Variants in MIS18BP1 observed in about 807,000 individuals in gnomAD.
The protein encoded by MIS18BP1 is MIS18 binding protein 1.
A neutral mutation model predicts 116.1 loss-of-function variants in MIS18BP1; 72 were observed. That is an observed-to-expected ratio of 0.62 (90% confidence interval 0.51 to 0.75). MIS18BP1 has a LOEUF of 0.75. Among genes scored for constraint, MIS18BP1 ranks in the 30% least tolerant of loss-of-function variants. The pLI, the probability that MIS18BP1 is intolerant of heterozygous loss-of-function variation, is 0.00. For synonymous variants in MIS18BP1, 386 were observed against 427.0 expected, an observed-to-expected ratio of 0.90 and a Z score of 1.18; for missense variants, 1,363 against 1,303.2, an observed-to-expected ratio of 1.05 and a Z score of -0.71.
At chr14:45,242,898 A>G in intron 2 of MIS18BP1, 24 bp from the exon 3 acceptor site, 2 of 1,488,622 alleles carry the variant, frequency 1.3e-6, no homozygotes, top group South Asian at 2.4e-5. Flanking sequence ...TTTTAAAGAA[A>G]GAAGAAGTTG....
chr14:45,240,468 G>A (rs767319106), intron 4 of MIS18BP1, among the ~76,000 whole-genome samples: 12 of 151,244 alleles, frequency 7.9e-5, no homozygotes, highest in African/African-American at 1.5e-4. Context: ...CTACCTACAC[G>A]CACTCTCTAG....
intron 11 of MIS18BP1, among the ~76,000 whole-genome samples, chr14:45,219,665 ATAT>A: frequency 6.6e-6 from 1 of 152,328 alleles, no homozygotes; most frequent in Non-Finnish European, 1.5e-5. Flanking sequence ...TGACCACAGC[ATAT>A]TATTCCATGC....
intron 11 of MIS18BP1, among the ~76,000 whole-genome samples, chr14:45,223,370 A>G (rs1024411895): frequency 2.3e-4 from 35 of 152,180 alleles, no homozygotes; most frequent in African/African-American, 8.0e-4. Flanking sequence ...TTAGGTCAGG[A>G]GTTCAAGACC....
At position 45,226,737 on chromosome 14, in the gene MIS18BP1, T is replaced by C. The variant is rs1368669410; in HGVS notation, c.1840+6A>G. The C allele has an allele frequency of 7.3e-7, 1 of 1,378,880 alleles. No individual in the cohort carries two copies. The highest frequency in any genetic ancestry group is 9.6e-7 in the Non-Finnish European group (1 of 1,043,440). The allele number at this position is 1,378,880 out of a possible 1,614,324, so 85.4% of individuals were successfully genotyped here. ...TATGATTAAAAAACCATTAAAGATA[T>C]ATTACCTTGCTTCTGACTTTTTATT... On this transcript the variant is annotated splice_donor_region_variant and intron_variant, in intron 10 of 16. Transcript: ENST00000310806.
chr14:45,205,548 A>G (rs1165974656), intron 15 of MIS18BP1, among the ~76,000 whole-genome samples: 1 of 152,186 alleles, frequency 6.6e-6, no homozygotes, highest in Non-Finnish European at 1.5e-5. Flanking sequence ...TCTAAGGGAT[A>G]TAGATCATTC....
chr14:45,247,405 A>T (rs1891753050), intron 1 of MIS18BP1, 28 bp from the exon 2 acceptor site: 1 of 775,672 alleles, frequency 1.3e-6, no homozygotes, highest in South Asian at 2.2e-5. Context: ...ATCAGCCTTT[A>T]TCATGCTTTG....
chr14:45,236,035 T>C, intron 5 of MIS18BP1, 91 bp from the exon 6 acceptor site: 1 of 1,145,376 alleles, frequency 8.7e-7, no homozygotes, highest in Non-Finnish European at 1.2e-6. Context: ...ACAGCAACAC[T>C]AAGAATGTTA....
rs1359701436 is a variant in MIS18BP1 at position 45,218,339 on chromosome 14, T to C, written c.2785A>G (p.Lys929Glu). 4 of 1,614,114 alleles carry C rather than the reference T, an allele frequency of 2.5e-6. No individual in the cohort carries two copies. The highest frequency in any genetic ancestry group is 4.5e-5 in the East Asian group (2 of 44,866). ...QRKYMENPRG[K>E]GSQKHVTKKK... ...TTAGTGACATGTTTCTGGGATCCTT[T>C]TCCTCTGGGATTTTCCATGTATTTC... The change falls in exon 12 of 17, where the codon AAA (lysine) becomes GAA (glutamate). Residue 929 changes from lysine (K) to glutamate (E), a missense_variant. Lys to Glu is a moderately conservative substitution (Grantham distance 56). Transcript: ENST00000310806.
chr14:45,249,253 G>A (rs192573927), intron 1 of MIS18BP1, among the ~76,000 whole-genome samples: 14 of 152,060 alleles, frequency 9.2e-5, no homozygotes, highest in Admixed American at 2.6e-4. Context: ...CACCCCACCC[G>A]GCTAATTTTT....
At chr14:45,247,569 A>G (rs1414997069) in intron 1 of MIS18BP1, among the ~76,000 whole-genome samples, 192 bp from the exon 2 acceptor site, 2 of 151,994 alleles carry the variant, frequency 1.3e-5, no homozygotes, top group Non-Finnish European at 2.9e-5. Context: ...GTGATGGTGT[A>G]CACGCCTGTA....
intron 9 of MIS18BP1, 82 bp from the exon 10 acceptor site, chr14:45,226,918 A>T: frequency 9.0e-7 from 1 of 1,116,460 alleles, no homozygotes; most frequent in Non-Finnish European, 1.2e-6. Context: ...GTATGCATCA[A>T]GCATACAAAT....
chr14:45,233,721 A>G (rs1464012777), intron 6 of MIS18BP1, among the ~76,000 whole-genome samples: 1 of 152,232 alleles, frequency 6.6e-6, no homozygotes, highest in East Asian at 1.9e-4. Flanking sequence ...GATGCCTCCA[A>G]GAATTCTGGC....
intron 14 of MIS18BP1, 82 bp from the exon 15 acceptor site, chr14:45,206,252 C>T: frequency 1.1e-6 from 1 of 901,378 alleles, no homozygotes; most frequent in Non-Finnish European, 1.7e-6. Context: ...ATACTTTTAA[C>T]CACAGGTTGA....
intron 13 of MIS18BP1, among the ~76,000 whole-genome samples, chr14:45,210,950 C>T (rs1480706335): frequency 6.6e-6 from 1 of 152,174 alleles, no homozygotes; most frequent in South Asian, 2.1e-4. Flanking sequence ...GCTCAAAAGT[C>T]TCTATTAAAT....
rs753375230 is a variant in MIS18BP1, at chr14:45,224,305, G to A, written c.2282C>T (p.Ser761Leu). The A allele has an allele frequency of 1.2e-6, 2 of 1,613,730 alleles. No individual in the cohort carries two copies. The highest frequency in any genetic ancestry group is 3.3e-5 in the Admixed American group (2 of 60,016). ...TGGTGAGGACTGATGCTTATAAAATGACATAGCTACCTGATTTTCTATTTT... is the reference window on the plus strand; with the variant it reads ...TGGTGAGGACTGATGCTTATAAAATAACATAGCTACCTGATTTTCTATTTT... Reference protein sequence around the residue: ...LKKIENQVAMSFYKHQSSPDL... With the variant: ...LKKIENQVAMLFYKHQSSPDL... The change falls in exon 11 of 17, where the codon TCA becomes TTA. Residue 761 changes from serine (S) to leucine (L), a missense_variant. Coordinates refer to ENST00000310806, the MANE Select transcript of MIS18BP1 (RefSeq NM_018353.5).
At chr14:45,240,241 C>T (rs912133657) in intron 4 of MIS18BP1, among the ~76,000 whole-genome samples, 3 of 151,864 alleles carry the variant, frequency 2.0e-5, no homozygotes, top group African/African-American at 7.3e-5. Context: ...AGGACTGATT[C>T]TGGGGAAAGA....
chr14:45,245,539 T>A (rs1324195578), intron 2 of MIS18BP1, among the ~76,000 whole-genome samples: 1 of 152,070 alleles, frequency 6.6e-6, no homozygotes, highest in African/African-American at 2.4e-5. Flanking sequence ...TAATTTTGTA[T>A]TTTTAGTACA....
chr14:45,242,784 G>A lies in MIS18BP1; in HGVS notation c.635C>T (p.Ala212Val). 1.2e-6 allele frequency: 2 copies of A among 1,612,566 alleles called. No homozygotes were observed. Among genetic ancestry groups the A allele is most frequent in the Non-Finnish European group, 1.7e-6 (2 of 1,179,178 alleles). The change falls in exon 3 of 17, where the codon GCA (alanine) becomes GTA (valine). Residue 212 changes from alanine (A) to valine (V), a missense_variant. By Grantham distance (64) the Ala-to-Val change is moderately conservative. Transcript: ENST00000310806. ...ACCGTAAGTTAAATTGTGCAGTGGT[G>A]CTTTCTTTTCCTGCTGGCACTGAAT... ...QKIQCQQEKK[A>V]PLHNLTYELP... is the part of the protein sequence containing the mutation.
At chr14:45,232,610 C>A (rs1374282997) in intron 7 of MIS18BP1, 123 bp downstream of exon 7, 1 of 639,052 alleles carries the variant, frequency 1.6e-6, no homozygotes, top group Non-Finnish European at 2.9e-6. Context: ...GTCTGGCCAA[C>A]ATGACGAAAC....
Sources: allele counts gnomAD v4.1 joint callset (sites outside exome capture counted in the v4.1 genomes callset), GRCh38; gene constraint gnomAD v4.1.1; transcripts MANE v1.5; gene names NCBI Gene and HGNC (gene_info 2026-07-23, HGNC 2026-07-21).